The following DNAH11 variants were observed in gnomAD, a reference collection of about 807,000 sequenced individuals.
The protein encoded by DNAH11 is dynein axonemal heavy chain 11, also known as axonemal beta dynein heavy chain 11.
A neutral mutation model predicts 526.0 loss-of-function variants in DNAH11; 442 were observed. That is an observed-to-expected ratio of 0.84 (90% CI 0.78 to 0.91). DNAH11 has a LOEUF of 0.91. Among genes scored for constraint, DNAH11 ranks in the 40% least tolerant of loss-of-function variants. The pLI is 0.00. For synonymous variants in DNAH11, 2,461 were observed against 1,935.9 expected (o/e 1.27, Z -7.12); for missense variants, 6,989 against 5,448.7 (o/e 1.28, Z -8.90).
At chr7:21,887,399 A>G (rs1328796835) in intron 76 of DNAH11, among the ~76,000 whole-genome samples, 2 of 152,356 alleles carry the variant, frequency 1.3e-5, no homozygotes, top group African/African-American at 4.8e-5. Flanking sequence ...ATAAGGTACC[A>G]GGTCACCTTA....
chr7:21,830,391 T>A (rs1790499600), intron 65 of DNAH11, among the ~76,000 whole-genome samples: 1 of 152,166 alleles, frequency 6.6e-6, no homozygotes, highest in African/African-American at 2.4e-5. Context: ...AGGACAGAGT[T>A]TCTGACCAAA....
At chr7:21,700,036 T>A (rs1783994456) in intron 36 of DNAH11, among the ~76,000 whole-genome samples, 1 of 152,192 alleles carries the variant, frequency 6.6e-6, no homozygotes, top group Non-Finnish European at 1.5e-5. Flanking sequence ...TACTATGTGT[T>A]ATGTTACAAA....
At chr7:21,624,675 G>T (rs1417816949) in intron 25 of DNAH11, among the ~76,000 whole-genome samples, 1 of 152,072 alleles carries the variant, frequency 6.6e-6, no homozygotes, top group Non-Finnish European at 1.5e-5. Context: ...GAGTATATTA[G>T]CTGTGTGCTT....
chr7:21,593,742 G>A (rs1431268026), intron 14 of DNAH11, among the ~76,000 whole-genome samples: 8 of 151,722 alleles, frequency 5.3e-5, no homozygotes. Flanking sequence ...ATTTCTTAAG[G>A]AAAAAAGGGA....
At chr7:21,572,315 C>G (rs547584031) in intron 8 of DNAH11, among the ~76,000 whole-genome samples, 28 of 152,294 alleles carry the variant, frequency 1.8e-4, no homozygotes, top group African/African-American at 6.7e-4. Context: ...TCTTGAATCA[C>G]TGGATGTTTT....
At chr7:21,728,478 T>C (rs1785237252) in intron 45 of DNAH11, among the ~76,000 whole-genome samples, 1 of 151,800 alleles carries the variant, frequency 6.6e-6, no homozygotes, top group Admixed American at 6.6e-5. Flanking sequence ...AGGCTGGTCT[T>C]GAACTCCTGA....
intron 45 of DNAH11, among the ~76,000 whole-genome samples, chr7:21,735,026 C>T (rs542798201): frequency 1.7e-4 from 25 of 150,638 alleles, no homozygotes; most frequent in Non-Finnish European, 3.0e-4. Context: ...AAAAATTAGC[C>T]GGGCGTGGTG....
At chr7:21,824,523 A>G (rs191987537) in intron 65 of DNAH11, among the ~76,000 whole-genome samples, 54 of 152,322 alleles carry the variant, frequency 3.5e-4, no homozygotes, top group South Asian at 8.3e-4. Context: ...AAGATCAAAG[A>G]TCTGTCCCAT....
chr7:21,635,243 G>A (rs1318198674), intron 25 of DNAH11, among the ~76,000 whole-genome samples: 4 of 152,184 alleles, frequency 2.6e-5, no homozygotes, highest in East Asian at 1.9e-4. Context: ...TGCAAGCTCC[G>A]CCTCCCGGGT....
intron 63 of DNAH11, among the ~76,000 whole-genome samples, 173 bp downstream of exon 63, chr7:21,808,222 A>C (rs1490177229): frequency 6.6e-6 from 1 of 152,192 alleles, no homozygotes; most frequent in Non-Finnish European, 1.5e-5. Flanking sequence ...TACAAAGTTC[A>C]TAATAAATAT....
chr7:21,854,247 A>G (rs532251712), intron 67 of DNAH11, 68 bp from the exon 68 acceptor site: 4 of 1,541,790 alleles, frequency 2.6e-6, no homozygotes, highest in African/African-American at 1.4e-5. Context: ...ACGTCCTTCC[A>G]TTCCTTGGAT....
intron 74 of DNAH11, among the ~76,000 whole-genome samples, chr7:21,878,578 G>T (rs769454765): frequency 6.6e-6 from 1 of 152,010 alleles, no homozygotes; most frequent in Non-Finnish European, 1.5e-5. Context: ...ATTTTTTAAT[G>T]ATTGTATATT....
chr7:21,813,448 A>G (rs1789621797), intron 63 of DNAH11, among the ~76,000 whole-genome samples: 3 of 152,228 alleles, frequency 2.0e-5, no homozygotes, highest in South Asian at 2.1e-4. Context: ...GAATGAATCT[A>G]TATGAATAAA....
At chr7:21,827,945 T>C (rs1200284037) in intron 65 of DNAH11, among the ~76,000 whole-genome samples, 2 of 151,942 alleles carry the variant, frequency 1.3e-5, no homozygotes. Context: ...GGATTTTTTT[T>C]TTAATTTTTT....
At chr7:21,573,349 G>A (rs749923041) in intron 8 of DNAH11, among the ~76,000 whole-genome samples, 1 of 152,164 alleles carries the variant, frequency 6.6e-6, no homozygotes, top group Non-Finnish European at 1.5e-5. Flanking sequence ...TCTGGTTGGA[G>A]ACATCATAAC....
chr7:21,849,205 A>T (rs887663207), intron 66 of DNAH11, among the ~76,000 whole-genome samples: 6 of 152,146 alleles, frequency 3.9e-5, no homozygotes, highest in Admixed American at 3.9e-4. Flanking sequence ...TTTTCAAATA[A>T]CACTACTGCC....
At chr7:21,685,184 A>G (rs1033362279) in intron 32 of DNAH11, among the ~76,000 whole-genome samples, 1 of 152,226 alleles carries the variant, frequency 6.6e-6, no homozygotes, top group Non-Finnish European at 1.5e-5. Flanking sequence ...TAATTTATGC[A>G]TTGCTTTCAG....
chr7:21,697,410 T>C (rs890768268), intron 35 of DNAH11, among the ~76,000 whole-genome samples: 7 of 152,178 alleles, frequency 4.6e-5, no homozygotes, highest in African/African-American at 1.4e-4. Context: ...AGCTGATGGT[T>C]AAGTTTTCAT....
At chr7:21,731,403 A>G (rs1397440000) in intron 45 of DNAH11, among the ~76,000 whole-genome samples, 1 of 152,190 alleles carries the variant, frequency 6.6e-6, no homozygotes, top group Admixed American at 6.5e-5. Context: ...ACAACCAAAA[A>G]AAGGAAAATT....
Sources: allele counts gnomAD v4.1 joint callset (sites outside exome capture counted in the v4.1 genomes callset), GRCh38; gene constraint gnomAD v4.1.1; transcripts MANE v1.5; gene names NCBI Gene and HGNC (gene_info 2026-07-23, HGNC 2026-07-21).